ABCA1: variants seen among roughly 807,000 people sequenced by gnomAD.
ABCA1 encodes the protein phospholipid-transporting ATPase ABCA1.
In ABCA1, 133 loss-of-function variants were observed where a neutral mutation model predicts 262.5. The observed-to-expected ratio is 0.51, with a 90% CI of 0.44 to 0.59. The LOEUF (loss-of-function observed/expected upper bound fraction) is 0.59, where lower values mean the gene tolerates loss of function less well. Ranked by LOEUF, ABCA1 falls within the 20% of genes least tolerant of loss-of-function variation. ABCA1 has a pLI of 0.00. For missense variants in ABCA1, 2,452 were observed against 2,777.5 expected (o/e 0.88, Z 2.63); for synonymous variants, 1,022 against 1,043.5 (o/e 0.98, Z 0.40).
chr9:104,814,325 A>AT, intron 26 of ABCA1, 94 bp from the exon 27 acceptor site: 2 of 1,555,992 alleles, frequency 1.3e-6, no homozygotes, highest in South Asian at 1.1e-5. Flanking sequence ...ACAAATGAGA[A>AT]TGCAATAGAA....
Position 104,809,502 on chromosome 9 carries a change from C to G in ABCA1, c.4238G>C (p.Gly1413Ala), listed in dbSNP as rs780493639. Residue 1413 changes from glycine to alanine, a missense_variant, in exon 30 of 50, where the codon GGC becomes GCC. By Grantham distance (60) the Gly-to-Ala change is moderately conservative. Around this residue, in one of 4 missense-constraint regions of ABCA1, gnomAD observed 665 missense variants for 727.3 expected, o/e 0.91. Transcript: ENST00000374736. Reference sequence around the variant, plus strand: ...TCCTTCCATACAGCGGGTCCCGAAGCCAGGGTCTTTGGTGAGGGCGTTTAA... The same window carrying G: ...TCCTTCCATACAGCGGGTCCCGAAGGCAGGGTCTTTGGTGAGGGCGTTTAA... ...ELLNALTKDP[G>A]FGTRCMEGNP... The G allele has an allele frequency of 6.2e-7, 1 of 1,614,152 alleles. No individual in the cohort carries two copies.
Position 104,788,059 on chromosome 9 carries a change from A to G in ABCA1, c.6070-5T>C, listed in dbSNP as rs760942503. On this transcript the variant is annotated splice_polypyrimidine_tract_variant and splice_region_variant and intron_variant, in intron 45 of 49. Transcript: ENST00000374736. ...CCGAATCGCCCACTCACCAACCTAC[A>G]GTGATAAAAAGCACCTTGACTTTGG... The G allele has an allele frequency of 6.2e-7, 1 of 1,614,128 alleles. No homozygotes were observed. The highest frequency in any genetic ancestry group is 2.2e-5 in the East Asian group (1 of 44,874).
chr9:104,843,240 C>T (rs73521808), intron 8 of ABCA1, among the ~76,000 whole-genome samples: 1,570 of 152,248 alleles, frequency 0.01, 33 homozygotes, highest in African/African-American at 0.035. Context: ...GAGAAGTTAG[C>T]GTGTTCACTG....
chr9:104,870,717 A>C (rs1837529945), intron 5 of ABCA1, among the ~76,000 whole-genome samples: 1 of 152,142 alleles, frequency 6.6e-6, no homozygotes, highest in South Asian at 2.1e-4. Context: ...TGAGCAATAA[A>C]GCTGTTTTTT....
rs534236518 is a variant in ABCA1, at chr9:104,879,043, C to T, written c.421+3996G>A. Among the ~76,000 whole-genome samples the T allele has an allele frequency of 2.2e-4, 33 of 151,612 alleles. No individual in the cohort carries two copies. The South Asian group carries it at 6.9e-3, about 32-fold the overall frequency. On this transcript the variant is annotated intron_variant, in intron 5 of 49. Transcript: ENST00000374736. ...TGAGCCAAGATTGCGCCACTGCACTCCAGCCTGGTGACAGAGCGAGGCTCT... is the reference window on the plus strand; with the variant it reads ...TGAGCCAAGATTGCGCCACTGCACTTCAGCCTGGTGACAGAGCGAGGCTCT...
At chr9:104,827,190 CA>C (rs750829524) in intron 15 of ABCA1, 21 bp from the exon 16 acceptor site, 2 of 1,595,230 alleles carry the variant, frequency 1.3e-6, no homozygotes, top group Non-Finnish European at 1.7e-6. Context: ...AGAGACACAT[CA>C]AATGTGCTGC....
At chr9:104,787,795 T>G in intron 46 of ABCA1, 125 bp downstream of exon 46, 2 of 1,599,554 alleles carry the variant, frequency 1.3e-6, no homozygotes, top group Non-Finnish European at 1.7e-6. Flanking sequence ...TTTTCCAAGG[T>G]TGCTCTGCTG....
intron 2 of ABCA1, among the ~76,000 whole-genome samples, chr9:104,901,439 C>T (rs1840661467): frequency 6.6e-6 from 1 of 152,242 alleles, no homozygotes; most frequent in Non-Finnish European, 1.5e-5. Context: ...ATGATTCTTC[C>T]CACTACTCAC....
At chr9:104,798,312 A>T in intron 37 of ABCA1, 109 bp downstream of exon 37, 1 of 1,314,498 alleles carries the variant, frequency 7.6e-7, no homozygotes. Context: ...ATACATCTTT[A>T]GAGTAGCTGG....
At chr9:104,806,151 C>T (rs1830742498) in intron 31 of ABCA1, 90 bp downstream of exon 31, 1 of 1,334,370 alleles carries the variant, frequency 7.5e-7, no homozygotes, top group African/African-American at 1.5e-5. Context: ...ACCCTCCCAA[C>T]ATGATATCTC....
At chr9:104,810,653 A>C (rs1324557811) in intron 29 of ABCA1, 147 bp downstream of exon 29, 2 of 1,243,276 alleles carry the variant, frequency 1.6e-6, no homozygotes, top group Admixed American at 1.7e-5. Flanking sequence ...TGTTCTATGC[A>C]TGCAGTATTA....
At chr9:104,825,527 T>G (rs1305129083) in intron 17 of ABCA1, 156 bp downstream of exon 17, 3 of 756,966 alleles carry the variant, frequency 4.0e-6, no homozygotes, top group Non-Finnish European at 6.9e-6. Flanking sequence ...AATTGTACTT[T>G]CAGCATCAGC....
chr9:104,903,651 A>G lies in ABCA1; in HGVS notation c.29T>C (p.Leu10Pro). 6.3e-7 allele frequency: 1 copy of G among 1,588,946 alleles called. No homozygotes were observed. The highest frequency in any genetic ancestry group is 8.6e-7 in the Non-Finnish European group (1 of 1,167,162). The part of the protein sequence containing the change: MACWPQLRL[L>P]LWKNLTFRRR... ...TCTGAAAGTGAGGTTCTTCCACAGCAGCAACCTCAGCTGAGGCCAACAAGC... is the reference window on the plus strand; with the variant it reads ...TCTGAAAGTGAGGTTCTTCCACAGCGGCAACCTCAGCTGAGGCCAACAAGC... The change falls in exon 2 of 50, where the codon CTG (leucine) becomes CCG (proline). Residue 10 changes from leucine to proline, a missense_variant. Physicochemically the swap from Leu to Pro is moderately conservative, Grantham distance 98 (BLOSUM62 -3). Coordinates refer to ENST00000374736, the MANE Select transcript of ABCA1 (RefSeq NM_005502.4).
In ABCA1 at chr9:104,784,379, A is replaced by G. The variant is rs1438572689; in HGVS notation, c.6722T>C (p.Val2241Ala). ...AGATGTGAGAACTGCAACGTCCACTACTGTCTGGTTTTTGTGTAATGAGAG... is the reference window on the plus strand; with the variant it reads ...AGATGTGAGAACTGCAACGTCCACTGCTGTCTGGTTTTTGTGTAATGAGAG... ...KDLSLHKNQT[V>A]VDVAVLTSFL... Residue 2241 changes from valine to alanine, a missense_variant, in exon 50 of 50, where the codon GTA (valine) becomes GCA (alanine). By Grantham distance (64) the Val-to-Ala change is moderately conservative. Around this residue, in one of 4 missense-constraint regions of ABCA1, gnomAD observed 752 missense variants for 944.5 expected, o/e 0.80. Transcript: ENST00000374736. 1 of 1,614,094 alleles carries G rather than the reference A, an allele frequency of 6.2e-7. No homozygotes were observed. The highest frequency in any genetic ancestry group is 1.3e-5 in the African/African-American group (1 of 75,036).
At chr9:104,880,209 A>C (rs761249833) in intron 5 of ABCA1, among the ~76,000 whole-genome samples, 4 of 152,224 alleles carry the variant, frequency 2.6e-5, no homozygotes, top group Admixed American at 6.5e-5. Context: ...GAGAGACAGC[A>C]CAGGAGGGCC....
intron 31 of ABCA1, among the ~76,000 whole-genome samples, chr9:104,805,791 T>G (rs906563327): frequency 1.3e-4 from 20 of 152,316 alleles, no homozygotes; most frequent in African/African-American, 4.1e-4. Context: ...TGCTTTTTCT[T>G]ATGACAAGAA....
In ABCA1 at chr9:104,926,758, C is replaced by G. The variant is rs936518903; in HGVS notation, c.-93+1177G>C. On this transcript the variant is annotated intron_variant, in intron 1 of 49. Coordinates refer to ENST00000374736, the MANE Select transcript of ABCA1 (RefSeq NM_005502.4). ...GGTTACTCCCGGTCATTCCACGGCACCACCTCGGCCCAGCTTCCCCATCTG... is the reference window on the plus strand; with the variant it reads ...GGTTACTCCCGGTCATTCCACGGCAGCACCTCGGCCCAGCTTCCCCATCTG... Among the ~76,000 whole-genome samples, 83 of 152,324 alleles carry G rather than the reference C, an allele frequency of 5.4e-4. 1 individual carries two copies. The highest frequency in any genetic ancestry group is 1.8e-3 in the African/African-American group (75 of 41,588).
intron 6 of ABCA1, among the ~76,000 whole-genome samples, chr9:104,860,845 C>T (rs1447294469): frequency 1.3e-5 from 2 of 151,228 alleles, no homozygotes; most frequent in African/African-American, 4.9e-5. Flanking sequence ...CAACCTCCGC[C>T]TCCCAGGTTC....
chr9:104,842,314 G>C (rs1030126631), intron 8 of ABCA1, among the ~76,000 whole-genome samples: 4 of 152,216 alleles, frequency 2.6e-5, no homozygotes, highest in Admixed American at 6.5e-5. Context: ...CAGAGAACCA[G>C]GCCATTTTGC....
Sources: gnomAD v4.1 joint callset for allele counts (sites outside exome capture counted in the v4.1 genomes callset) on GRCh38, gnomAD v4.1.1 for gene constraint, gnomAD v4.1.1 regional missense constraint, MANE v1.5 for transcripts, NCBI Gene and HGNC (gene_info 2026-07-23, HGNC 2026-07-21) for gene names.